The following NRXN3 variants were observed in gnomAD, a reference collection of about 807,000 sequenced individuals.
NRXN3 encodes neurexin III.
In NRXN3, 32 loss-of-function variants were observed where a neutral mutation model predicts 137.6. That is an observed-to-expected ratio of 0.23 (90% confidence interval 0.18 to 0.31). The LOEUF is 0.31. Ranked by LOEUF, NRXN3 falls within the 10% of genes least tolerant of loss-of-function variation. The probability of loss-of-function intolerance (pLI) is 1.00; values close to 1 mark genes in which losing one functional copy is unlikely to be tolerated. For synonymous variants in NRXN3, 798 were observed against 784.5 expected, an observed-to-expected ratio of 1.02 and a Z score of -0.29; for missense variants, 1,574 against 2,062.5, an observed-to-expected ratio of 0.76 and a Z score of 4.59.
chr14:78,353,765 A>G (rs749546295), intron 4 of NRXN3, among the ~76,000 whole-genome samples: 2 of 152,198 alleles, frequency 1.3e-5, no homozygotes, highest in South Asian at 2.1e-4. Flanking sequence ...GGCAATTTCT[A>G]TATCCTCGGA....
intron 10 of NRXN3, among the ~76,000 whole-genome samples, chr14:78,952,255 G>C (rs1396776920): frequency 6.6e-6 from 1 of 151,872 alleles, no homozygotes; most frequent in Non-Finnish European, 1.5e-5. Context: ...CAGTGAATAT[G>C]AACGCTTTAA....
At chr14:78,439,531 C>T (rs930212537) in intron 4 of NRXN3, among the ~76,000 whole-genome samples, 6 of 152,282 alleles carry the variant, frequency 3.9e-5, no homozygotes, top group South Asian at 2.1e-4. Context: ...CCTGTGGTCA[C>T]GCAGCTAGTA....
chr14:78,864,736 C>A (rs1171574733), intron 10 of NRXN3, among the ~76,000 whole-genome samples: 1 of 152,070 alleles, frequency 6.6e-6, no homozygotes, highest in African/African-American at 2.4e-5. Flanking sequence ...GTATTTTAGA[C>A]TTTGGTTTCA....
chr14:79,624,530 C>T (rs920288982), intron 16 of NRXN3, among the ~76,000 whole-genome samples: 2 of 151,916 alleles, frequency 1.3e-5, no homozygotes, highest in Admixed American at 1.3e-4. Flanking sequence ...GTTGTCATAA[C>T]GGCACATAAA....
In NRXN3 at chr14:79,156,351, TACTA is replaced by T. The variant is rs541463605; in HGVS notation, c.3262+168212_3262+168215del. On this transcript the variant is annotated intron_variant, in intron 15 of 20. Coordinates refer to ENST00000335750, the MANE Select transcript of NRXN3 (RefSeq NM_001330195.2). ...ATAATCTTATTACTTAAAAAAGTAT[TACTA>T]ATAATGATAAGAGGCTATATTTCAT... Among the ~76,000 whole-genome samples the T allele has an allele frequency of 1.7e-3, 255 of 151,960 alleles. 1 individual carries two copies. The highest frequency in any genetic ancestry group is 5.6e-3 in the African/African-American group (231 of 41,524).
intron 10 of NRXN3, among the ~76,000 whole-genome samples, chr14:78,827,955 A>G (rs60607552): frequency 6.6e-6 from 1 of 152,180 alleles, no homozygotes; most frequent in East Asian, 1.9e-4. Context: ...GCACACATTC[A>G]TTGTGCTATG....
At chr14:78,907,190 C>T (rs937722424) in intron 10 of NRXN3, among the ~76,000 whole-genome samples, 3 of 151,778 alleles carry the variant, frequency 2.0e-5, no homozygotes, top group Admixed American at 2.0e-4. Flanking sequence ...AGTTTTCTTA[C>T]TTATCATTAT....
At chr14:78,570,992 C>T (rs766074378) in intron 4 of NRXN3, among the ~76,000 whole-genome samples, 21 of 152,116 alleles carry the variant, frequency 1.4e-4, no homozygotes, top group Non-Finnish European at 2.6e-4. Context: ...ACAGCAGCCC[C>T]GCTGGGCCCT....
At chr14:79,814,958 T>C (rs1325509526) in intron 20 of NRXN3, among the ~76,000 whole-genome samples, 3 of 152,254 alleles carry the variant, frequency 2.0e-5, no homozygotes, top group Non-Finnish European at 4.4e-5. Context: ...AGATTATCTT[T>C]TGATCTTTCT....
intron 4 of NRXN3, among the ~76,000 whole-genome samples, chr14:78,489,660 C>T (rs1226890919): frequency 6.6e-6 from 1 of 151,960 alleles, no homozygotes; most frequent in Non-Finnish European, 1.5e-5. Context: ...ATTTTCTTCC[C>T]CTTCCCATGG....
chr14:79,207,169 T>C lies in NRXN3; in HGVS notation c.3262+219028T>C, dbSNP rs138864731. Among the ~76,000 whole-genome samples the C allele has an allele frequency of 2.5e-3, 385 of 152,278 alleles. 1 individual carries two copies. The highest frequency in any genetic ancestry group is 8.8e-3 in the African/African-American group (367 of 41,560). ...TGCAAGTCCCCTCCCCATGTTCATTTCTGTCAGTTCCTTGGGTTACGGTTC... is the reference window on the plus strand; with the variant it reads ...TGCAAGTCCCCTCCCCATGTTCATTCCTGTCAGTTCCTTGGGTTACGGTTC... On this transcript the variant is annotated intron_variant, in intron 15 of 20. Coordinates refer to ENST00000335750, the MANE Select transcript of NRXN3 (RefSeq NM_001330195.2).
intron 19 of NRXN3, among the ~76,000 whole-genome samples, chr14:79,796,056 C>T (rs1341459961): frequency 6.6e-6 from 1 of 152,114 alleles, no homozygotes; most frequent in African/African-American, 2.4e-5. Context: ...AACAAAAGAG[C>T]TGACAGTGGA....
intron 16 of NRXN3, among the ~76,000 whole-genome samples, chr14:79,544,467 G>A (rs2097300967): frequency 1.3e-5 from 2 of 152,166 alleles, no homozygotes; most frequent in African/African-American, 4.8e-5. Context: ...AGAGAGAATA[G>A]AAAAGCAGCA....
intron 16 of NRXN3, among the ~76,000 whole-genome samples, chr14:79,597,783 G>A (rs1011655987): frequency 1.3e-5 from 2 of 152,068 alleles, no homozygotes; most frequent in South Asian, 2.1e-4. Flanking sequence ...TTCATAGCCT[G>A]AGTCAGTCTC....
chr14:79,292,898 T>C (rs1035912865), intron 15 of NRXN3, among the ~76,000 whole-genome samples: 1 of 152,252 alleles, frequency 6.6e-6, no homozygotes, highest in African/African-American at 2.4e-5. Flanking sequence ...TTTCAGTACC[T>C]GCTTCTTACT....
chr14:78,329,295 G>A (rs2080493363), intron 4 of NRXN3, among the ~76,000 whole-genome samples: 1 of 152,110 alleles, frequency 6.6e-6, no homozygotes, highest in Non-Finnish European at 1.5e-5. Flanking sequence ...CAATTTTGAG[G>A]TTGAATCATT....
chr14:78,309,205 GT>G (rs1267096024), intron 4 of NRXN3, among the ~76,000 whole-genome samples: 2 of 152,002 alleles, frequency 1.3e-5, no homozygotes, highest in African/African-American at 4.8e-5. Context: ...ATTTGAGGAA[GT>G]TTTGTCATCT....
intron 19 of NRXN3, among the ~76,000 whole-genome samples, chr14:79,751,275 G>A (rs1373495177): frequency 1.3e-5 from 2 of 152,114 alleles, no homozygotes; most frequent in Non-Finnish European, 2.9e-5. Context: ...TCTCCTTGAA[G>A]AGGTCCTTCA....
intron 19 of NRXN3, among the ~76,000 whole-genome samples, chr14:79,746,499 G>A (rs997208599): frequency 6.6e-6 from 1 of 152,060 alleles, no homozygotes; most frequent in Non-Finnish European, 1.5e-5. Flanking sequence ...CAGAAATGGA[G>A]GTTAGGTAAG....
Sources: gnomAD v4.1 joint callset for allele counts (sites outside exome capture counted in the v4.1 genomes callset) on GRCh38, gnomAD v4.1.1 for gene constraint, MANE v1.5 for transcripts, NCBI Gene and HGNC (gene_info 2026-07-23, HGNC 2026-07-21) for gene names.